SGCE: variants seen among roughly 807,000 people sequenced by gnomAD.
The protein encoded by SGCE is epsilon-sarcoglycan.
Under a neutral mutation model 57.8 loss-of-function variants are expected in SGCE, and 26 were observed. The observed-to-expected ratio is 0.45, with a 90% confidence interval of 0.33 to 0.62. The LOEUF (loss-of-function observed/expected upper bound fraction) is 0.62. SGCE is among the 20% of genes least tolerant of loss of function. The pLI is 0.02. For missense variants in SGCE, 468 were observed against 548.6 expected (o/e 0.85, Z 1.47); for synonymous variants, 183 against 189.5 (o/e 0.97, Z 0.28).
At chr7:94,645,595 T>G (rs1806943973) in intron 1 of SGCE, among the ~76,000 whole-genome samples, 1 of 152,140 alleles carries the variant, frequency 6.6e-6, no homozygotes, top group South Asian at 2.1e-4. Flanking sequence ...AAAACTGTAG[T>G]ACAGAAAGGT....
chr7:94,653,614 C>G (rs1236837028), intron 1 of SGCE, among the ~76,000 whole-genome samples: 1 of 151,968 alleles, frequency 6.6e-6, no homozygotes, highest in African/African-American at 2.4e-5. Context: ...AAGTATTGCT[C>G]TATTAATGTT....
At chr7:94,596,340 T>G (rs1412142507) in intron 9 of SGCE, among the ~76,000 whole-genome samples, 1 of 152,174 alleles carries the variant, frequency 6.6e-6, no homozygotes, top group Non-Finnish European at 1.5e-5. Context: ...AAGGGTTATC[T>G]TAAAATGACA....
chr7:94,593,035 T>C lies in SGCE; in HGVS notation c.1254-4303A>G, dbSNP rs369827912. The stretch of plus-strand genomic sequence containing the variant: ...ATCTTAGTCCCCTGAAACACTGTCT[T>C]CAACTGATATTAACTTTTATTAAAA... On this transcript the variant is annotated intron_variant, in intron 9 of 10. Transcript: ENST00000648936. Among the ~76,000 whole-genome samples, 118 of 152,248 alleles carry C rather than the reference T, an allele frequency of 7.8e-4. 1 individual carries two copies. The South Asian group carries it at 0.023, about 29-fold the overall frequency.
At chr7:94,635,765 T>C (rs1805525246) in intron 1 of SGCE, among the ~76,000 whole-genome samples, 2 of 152,252 alleles carry the variant, frequency 1.3e-5, no homozygotes, top group African/African-American at 4.8e-5. Context: ...ACAACCTGTT[T>C]TTGTTTTTGT....
chr7:94,610,106 G>A (rs1800772200), intron 5 of SGCE, among the ~76,000 whole-genome samples: 1 of 152,182 alleles, frequency 6.6e-6, no homozygotes. Flanking sequence ...AGCAAATATG[G>A]AAAGGCTACA....
intron 4 of SGCE, chr7:94,620,956 G>A (rs1802675139): frequency 6.6e-6 from 1 of 152,238 alleles, no homozygotes; most frequent in Admixed American, 6.5e-5. Flanking sequence ...CAAGAGAACA[G>A]TAGGCCAACA....
intron 1 of SGCE, among the ~76,000 whole-genome samples, chr7:94,644,900 CT>C (rs1436447269): frequency 6.6e-6 from 1 of 152,134 alleles, no homozygotes. Context: ...TTGGCCATTA[CT>C]TTTCTTTAGC....
At position 94,585,297 on chromosome 7, in the gene SGCE, CA is replaced by C; in HGVS notation, c.*201del. The C allele has an allele frequency of 2.0e-6, 1 of 490,216 alleles. No individual in the cohort carries two copies. The highest frequency in any genetic ancestry group is 3.4e-5 in the Admixed American group (1 of 29,730). 30.4% of individuals were successfully genotyped at this position (490,216 alleles called of 1,614,324 possible). A position where few individuals can be genotyped will look rare whatever the true frequency, so the allele number is the denominator to read the frequency against. ...CAAATATAAAGTCATCAATGTTTTACAAATTGTCAAAAATGCTTTAAGTACA... is the reference window on the plus strand; with the variant it reads ...CAAATATAAAGTCATCAATGTTTTACAATTGTCAAAAATGCTTTAAGTACA... On this transcript the variant is annotated 3_prime_UTR_variant, in exon 11 of 11. Transcript: ENST00000648936.
At chr7:94,655,865 G>A in intron 1 of SGCE, 125 bp downstream of exon 1, 2 of 680,584 alleles carry the variant, frequency 2.9e-6, no homozygotes, top group South Asian at 3.1e-5. Context: ...GGTACGGTGG[G>A]GTCCGGGACA....
At chr7:94,638,417 T>A (rs1213802365) in intron 1 of SGCE, among the ~76,000 whole-genome samples, 1 of 152,190 alleles carries the variant, frequency 6.6e-6, no homozygotes, top group African/African-American at 2.4e-5. Flanking sequence ...TTCAGAGATG[T>A]ATGAAGAAAA....
intron 9 of SGCE, among the ~76,000 whole-genome samples, chr7:94,590,209 G>C (rs535247545): frequency 6.6e-6 from 1 of 151,740 alleles, no homozygotes; most frequent in Non-Finnish European, 1.5e-5. Context: ...ACAGCATACA[G>C]GTATTACTCT....
chr7:94,621,168 G>C (rs771376588), intron 4 of SGCE: 4 of 152,140 alleles, frequency 2.6e-5, no homozygotes, highest in Non-Finnish European at 4.4e-5. Flanking sequence ...AATCTAATCT[G>C]GGATAAATAA....
intron 1 of SGCE, among the ~76,000 whole-genome samples, chr7:94,649,549 T>C (rs142760303): frequency 1.2e-3 from 189 of 152,304 alleles, no homozygotes; most frequent in South Asian, 2.1e-3. Context: ...TCTTTGAGCT[T>C]TTCTGTCTTG....
At chr7:94,620,904 T>C (rs1452128343) in intron 4 of SGCE, 3 of 152,322 alleles carry the variant, frequency 2.0e-5, no homozygotes, top group Middle Eastern at 3.4e-3. Flanking sequence ...TTTCTAACTC[T>C]GGGGAAATCC....
rs113792923 is a variant in SGCE at position 94,640,646 on chromosome 7, T to TTTTTTG, written c.110-10811_110-10806dup. ...AGCTTCTGTGTGTTTGTTTTGTTTG[T>TTTTTTG]TTTTTGTTTTTGTTTTTTTGAGATG... On this transcript the variant is annotated intron_variant, in intron 1 of 10. Transcript: ENST00000648936. Among the ~76,000 whole-genome samples, 1,289 of 152,152 alleles carry TTTTTTG rather than the reference T, an allele frequency of 8.5e-3. 23 individuals are homozygous for TTTTTTG. Among genetic ancestry groups the TTTTTTG allele is most frequent in the African/African-American group, 0.03 (1,226 of 41,478 alleles).
intron 9 of SGCE, among the ~76,000 whole-genome samples, chr7:94,596,402 AC>A (rs896898622): frequency 6.6e-6 from 1 of 152,146 alleles, no homozygotes; most frequent in African/African-American, 2.4e-5. Context: ...TTATTGATTT[AC>A]AAACATATTC....
chr7:94,600,585 A>G (rs1799051353), intron 7 of SGCE, 61 bp downstream of exon 7: 1 of 1,261,584 alleles, frequency 7.9e-7, no homozygotes, highest in East Asian at 2.3e-5. Flanking sequence ...TTTTAATGGA[A>G]TCTTCTATGT....
intron 1 of SGCE, among the ~76,000 whole-genome samples, chr7:94,645,723 T>C (rs1806974753): frequency 6.6e-6 from 1 of 152,146 alleles, no homozygotes; most frequent in South Asian, 2.1e-4. Flanking sequence ...CCCATATCAG[T>C]GACATACTGT....
intron 5 of SGCE, among the ~76,000 whole-genome samples, chr7:94,606,562 A>G (rs1800174463): frequency 6.6e-6 from 1 of 152,222 alleles, no homozygotes; most frequent in African/African-American, 2.4e-5. Context: ...TCAGAAATGG[A>G]CACAACCAGC....
Sources: allele counts gnomAD v4.1 joint callset (sites outside exome capture counted in the v4.1 genomes callset), GRCh38; gene constraint gnomAD v4.1.1; transcripts MANE v1.5; gene names NCBI Gene and HGNC (gene_info 2026-07-23, HGNC 2026-07-21).